The following B3GAT1 variants were observed in gnomAD, a reference collection of about 807,000 sequenced individuals.
The protein encoded by B3GAT1 is galactosylgalactosylxylosylprotein 3-beta-glucuronosyltransferase 1.
B3GAT1 carries 11 observed loss-of-function variants against 28.4 expected under a neutral mutation model. The observed-to-expected ratio is 0.39, with a 90% confidence interval of 0.24 to 0.64. The LOEUF (loss-of-function observed/expected upper bound fraction) is 0.64, where lower values mean the gene tolerates loss of function less well. Ranked by LOEUF, B3GAT1 falls within the 30% of genes least tolerant of loss-of-function variation. The pLI is 0.50. For missense variants in B3GAT1, 375 were observed against 491.0 expected, an observed-to-expected ratio of 0.76 and a Z score of 2.23; for synonymous variants, 255 against 223.1, an observed-to-expected ratio of 1.14 and a Z score of -1.27.
chr11:134,398,529 C>T (rs1031438216), intron 1 of B3GAT1, among the ~76,000 whole-genome samples: 7 of 152,280 alleles, frequency 4.6e-5, no homozygotes, highest in African/African-American at 1.7e-4. Flanking sequence ...ATGTTTAAAC[C>T]CTTGTAATCC....
rs1198973555 is a variant in B3GAT1, at chr11:134,384,153, C to T, written c.148G>A (p.Gly50Ser). 3 of 1,559,820 alleles carry T rather than the reference C, an allele frequency of 1.9e-6. No individual in the cohort carries two copies. Among genetic ancestry groups the T allele is most frequent in the Non-Finnish European group, 2.6e-6 (3 of 1,152,628 alleles). The change falls in exon 3 of 6, where the codon GGC (glycine) becomes AGC (serine). Residue 50 changes from glycine to serine, a missense_variant. Gly to Ser is a moderately conservative substitution (Grantham distance 56). Transcript: ENST00000312527. ...GTGCAGTACTCCCTGGGGTCGGCGC[C>T]GGGCGGCGTTTCGCGTCGGGGGTCA... is the stretch of plus-strand genomic sequence containing the variant. ...GSDPRRETPP[G>S]ADPREYCTSD...
intron 2 of B3GAT1, chr11:134,385,989 C>T (rs574720563): frequency 3.3e-5 from 5 of 152,324 alleles, no homozygotes; most frequent in East Asian, 1.9e-4. Context: ...GATATCATGT[C>T]GCTTTATATA....
chr11:134,378,806 G>A lies in B3GAT1; in HGVS notation c.*1956C>T, dbSNP rs1428564829. 2 of 152,248 alleles carry A rather than the reference G, an allele frequency of 1.3e-5. No homozygotes were observed. Among genetic ancestry groups the A allele is most frequent in the African/African-American group, 4.8e-5 (2 of 41,464 alleles). 9.4% of individuals were successfully genotyped at this position (152,248 alleles called of 1,614,324 possible). ...ATAATTATAAATAAATATACATGCA[G>A]CTAAAAGAGGATATTAGGTGAAAAC... On this transcript the variant is annotated 3_prime_UTR_variant, in exon 6 of 6. Transcript: ENST00000312527.
intron 2 of B3GAT1, chr11:134,387,191 C>T (rs751971190): frequency 3.0e-5 from 8 of 264,708 alleles, no homozygotes; most frequent in Non-Finnish European, 3.6e-5. Flanking sequence ...ACACTAAAGA[C>T]TCCCACTCCC....
chr11:134,397,382 A>ACGTCCCTCC (rs1429146335), intron 1 of B3GAT1, among the ~76,000 whole-genome samples: 5 of 146,064 alleles, frequency 3.4e-5, no homozygotes, highest in African/African-American at 1.3e-4. Context: ...CACTCCCACC[A>ACGTCCCTCC]TGTCCCTCCT....
rs1174624293 is a variant in B3GAT1, at chr11:134,411,387, G to A, written c.-282+420C>T. Among the ~76,000 whole-genome samples, 1 of 152,130 alleles carries A rather than the reference G, an allele frequency of 6.6e-6. No individual in the cohort carries two copies. The highest frequency in any genetic ancestry group is 6.5e-5 in the Admixed American group (1 of 15,286). On this transcript the variant is annotated intron_variant, in intron 1 of 5. Coordinates refer to ENST00000312527, the MANE Select transcript of B3GAT1 (RefSeq NM_054025.3). The surrounding 1 kb of genome is among the most constrained non-coding windows in gnomAD (Gnocchi z 6.0). Reference sequence around the variant, plus strand: ...CTTGGCAGTGCCCAGGAGCCAGAGAGCGATCCAGAGAGCGCTGTTGGGCAG... The same window carrying A: ...CTTGGCAGTGCCCAGGAGCCAGAGAACGATCCAGAGAGCGCTGTTGGGCAG...
rs1314727293 is a variant in B3GAT1 at position 134,393,330 on chromosome 11, T to C, written c.-281-5390A>G. 6.6e-6 allele frequency among the ~76,000 whole-genome samples: 1 copy of C among 152,188 alleles called. No individual in the cohort carries two copies. The highest frequency in any genetic ancestry group is 1.5e-5 in the Non-Finnish European group (1 of 68,030). On this transcript the variant is annotated intron_variant, in intron 1 of 5. Transcript: ENST00000312527. The surrounding 1 kb of genome is among the most constrained non-coding windows in gnomAD (Gnocchi z 4.0). Reference sequence around the variant, plus strand: ...CCCAGGACTGCACAATGCATGCTAATTTTTCCCAAATCCGAACGACCCATC... The same window carrying C: ...CCCAGGACTGCACAATGCATGCTAACTTTTCCCAAATCCGAACGACCCATC...
intron 1 of B3GAT1, among the ~76,000 whole-genome samples, chr11:134,403,280 CG>C (rs1280232638): frequency 1.3e-5 from 2 of 152,108 alleles, no homozygotes; most frequent in Non-Finnish European, 2.9e-5. Context: ...CTCGGGGTCC[CG>C]GGAAGGCAGC....
chr11:134,396,536 G>A (rs1944508010), intron 1 of B3GAT1, among the ~76,000 whole-genome samples: 1 of 152,170 alleles, frequency 6.6e-6, no homozygotes, highest in South Asian at 2.1e-4. Flanking sequence ...CGGGATTCTG[G>A]TGAGGTAACC....
intron 4 of B3GAT1, 64 bp from the exon 5 acceptor site, chr11:134,382,088 G>C (rs1475652730): frequency 4.4e-6 from 6 of 1,355,784 alleles, no homozygotes; most frequent in African/African-American, 1.4e-5. Flanking sequence ...CTGCCTCCCT[G>C]CTCCCTCCCA....
At position 134,393,916 on chromosome 11, in the gene B3GAT1, G is replaced by A. The variant is rs1944457072; in HGVS notation, c.-281-5976C>T. 1.3e-5 allele frequency among the ~76,000 whole-genome samples: 2 copies of A among 152,146 alleles called. No homozygotes were observed. The highest frequency in any genetic ancestry group is 2.9e-5 in the Non-Finnish European group (2 of 68,026). On this transcript the variant is annotated intron_variant, in intron 1 of 5. Coordinates refer to ENST00000312527, the MANE Select transcript of B3GAT1 (RefSeq NM_054025.3). The surrounding 1 kb of genome is among the most constrained non-coding windows in gnomAD (Gnocchi z 4.0). ...CAGGCTTTGTCCCACAGATCTCCAG[G>A]TGCCCCTAATGGGATCAGCGGATTA...
At chr11:134,398,883 T>C (rs1185431209) in intron 1 of B3GAT1, among the ~76,000 whole-genome samples, 2 of 152,210 alleles carry the variant, frequency 1.3e-5, no homozygotes, top group African/African-American at 2.4e-5. Flanking sequence ...TCAGAGCTAG[T>C]GTGACCTTAC....
rs995200799 is a variant in B3GAT1, at chr11:134,382,318, T to TGTGC, written c.919-295_919-294insGCAC. Reference sequence around the variant, plus strand: ...CCAAGACTTCCCAAGTGTGTGTGTGTGCATACGTATGCATGTTCATGTGCA... The same window carrying TGTGC: ...CCAAGACTTCCCAAGTGTGTGTGTGTGTGCGCATACGTATGCATGTTCATGTGCA... On this transcript the variant is annotated intron_variant, in intron 4 of 5. Transcript: ENST00000312527. Among the ~76,000 whole-genome samples the TGTGC allele has an allele frequency of 9.9e-5, 15 of 152,098 alleles. 1 individual carries two copies. The highest frequency in any genetic ancestry group is 8.5e-4 in the Admixed American group (13 of 15,274).
At chr11:134,399,501 C>A (rs1313686573) in intron 1 of B3GAT1, among the ~76,000 whole-genome samples, 1 of 152,234 alleles carries the variant, frequency 6.6e-6, no homozygotes, top group Non-Finnish European at 1.5e-5. Context: ...GAGGCACATT[C>A]TGCTACCCAG....
rs1489552047 is a variant in B3GAT1 at position 134,395,505 on chromosome 11, G to T, written c.-281-7565C>A. 2.0e-5 allele frequency among the ~76,000 whole-genome samples: 3 copies of T among 152,054 alleles called. No individual in the cohort carries two copies. In the East Asian group the frequency reaches 5.8e-4, roughly 29 times the overall value. Reference sequence around the variant, plus strand: ...ACGATGGTGCACAGAGCACCACTTGGCCACTTGACCCCTGCCTGCGTGATA... The same window carrying T: ...ACGATGGTGCACAGAGCACCACTTGTCCACTTGACCCCTGCCTGCGTGATA... On this transcript the variant is annotated intron_variant, in intron 1 of 5. Coordinates refer to ENST00000312527, the MANE Select transcript of B3GAT1 (RefSeq NM_054025.3).
chr11:134,391,351 G>C (rs1259034052), intron 1 of B3GAT1: 1 of 152,240 alleles, frequency 6.6e-6, no homozygotes, highest in Non-Finnish European at 1.5e-5. Context: ...GCTGGGCAGG[G>C]GCTTGGGGCC....
At position 134,382,885 on chromosome 11, in the gene B3GAT1, T is replaced by TG; in HGVS notation, c.742dup (p.His248ProfsTer75). On this transcript the variant is annotated frameshift_variant, in exon 4 of 6. Transcript: ENST00000312527. LOFTEE classifies it high-confidence loss of function. The stretch of plus-strand genomic sequence containing the variant: ...AGCCATGTCTATTGCAAATGGCCGG[T>TG]GGGGGTCAAACACCGTCTTCCAGCC... The TG allele has an allele frequency of 6.2e-7, 1 of 1,613,966 alleles. No homozygotes were observed. Among genetic ancestry groups the TG allele is most frequent in the Non-Finnish European group, 8.5e-7 (1 of 1,179,986 alleles).
In B3GAT1 at chr11:134,382,013, C is replaced by G; in HGVS notation, c.930G>C (p.Trp310Cys). 1 of 1,614,076 alleles carries G rather than the reference C, an allele frequency of 6.2e-7. No homozygotes were observed. Among genetic ancestry groups the G allele is most frequent in the African/African-American group, 1.3e-5 (1 of 75,060 alleles). Residue 310 changes from tryptophan to cysteine, a missense_variant, in exon 5 of 6, where the codon TGG becomes TGC. By Grantham distance (215) the Trp-to-Cys change is radical. Coordinates refer to ENST00000312527, the MANE Select transcript of B3GAT1 (RefSeq NM_054025.3). ...KAANCTKILVWHTRTEKPVLV... is the reference protein window; with the variant it reads ...KAANCTKILVCHTRTEKPVLV... Reference sequence around the variant, plus strand: ...GCACTGGCTTCTCTGTCCGTGTGTGCCACACCAGGATCTGTGTGCCCAGAG... The same window carrying G: ...GCACTGGCTTCTCTGTCCGTGTGTGGCACACCAGGATCTGTGTGCCCAGAG...
At position 134,404,027 on chromosome 11, in the gene B3GAT1, A is replaced by ATTTATT. The variant is rs1438156680; in HGVS notation, c.-282+7779_-282+7780insAATAAA. Among the ~76,000 whole-genome samples, 93 of 106,746 alleles carry ATTTATT rather than the reference A, an allele frequency of 8.7e-4. 3 individuals are homozygous for ATTTATT. The highest frequency in any genetic ancestry group is 3.0e-3 in the African/African-American group (79 of 25,920). The allele number at this position is 106,746 out of a possible 152,430, so 70.0% of individuals were successfully genotyped here. A position where few individuals can be genotyped will look rare whatever the true frequency, so the allele number is the denominator to read the frequency against. On this transcript the variant is annotated intron_variant, in intron 1 of 5. Coordinates refer to ENST00000312527, the MANE Select transcript of B3GAT1 (RefSeq NM_054025.3). ...TATATATATATATATATATATATAT[A>ATTTATT]TATTTATTATACGTTAAGTTCTAGG...
Sources: gnomAD v4.1 joint callset for allele counts (sites outside exome capture counted in the v4.1 genomes callset) on GRCh38, gnomAD v4.1.1 for gene constraint, Gnocchi (gnomAD v3.1) non-coding constraint, MANE v1.5 for transcripts, NCBI Gene and HGNC (gene_info 2026-07-23, HGNC 2026-07-21) for gene names.